Variants in MDM1 observed in about 807,000 individuals in gnomAD.
The protein encoded by MDM1 is Mdm1 nuclear protein.
A neutral mutation model predicts 89.1 loss-of-function variants in MDM1; 61 were observed. The ratio of observed to expected loss-of-function variants is 0.68; its 90% CI spans 0.56 to 0.85. The LOEUF (loss-of-function observed/expected upper bound fraction) is 0.85, where lower values mean the gene tolerates loss of function less well. Among genes scored for constraint, MDM1 ranks in the 40% least tolerant of loss-of-function variants. MDM1 has a pLI of 0.00. For missense variants in MDM1, 820 were observed against 846.5 expected, an observed-to-expected ratio of 0.97 and a Z score of 0.39; for synonymous variants, 290 against 294.1, an observed-to-expected ratio of 0.99 and a Z score of 0.14.
chr12:68,310,377 T>C (rs950707796), intron 12 of MDM1, among the ~76,000 whole-genome samples: 2 of 152,234 alleles, frequency 1.3e-5, no homozygotes, highest in Non-Finnish European at 2.9e-5. Context: ...TTACTCTATT[T>C]AGATTATTCA....
At position 68,321,590 on chromosome 12, in the gene MDM1, C is replaced by A; in HGVS notation, c.840G>T (p.Glu280Asp). Residue 280 changes from glutamate (E) to aspartate (D), a missense_variant, in exon 6 of 15, where the codon GAG (glutamate) becomes GAT (aspartate). Transcript: ENST00000682720. ...GCTGGTGTAAGTCTTTTAATTCCAT[C>A]TCTGCTTCCAATTTTAAACGATCGT... is the stretch of plus-strand genomic sequence containing the variant. Reference protein sequence around the residue: ...KIDDRLKLEAEMELKDLHQPK... With the variant: ...KIDDRLKLEADMELKDLHQPK... 6.2e-7 allele frequency: 1 copy of A among 1,612,574 alleles called. No homozygotes were observed. Among genetic ancestry groups the A allele is most frequent in the Non-Finnish European group, 8.5e-7 (1 of 1,179,614 alleles).
At chr12:68,301,372 T>C (rs1263040759) in intron 13 of MDM1, among the ~76,000 whole-genome samples, 1 of 152,152 alleles carries the variant, frequency 6.6e-6, no homozygotes, top group African/African-American at 2.4e-5. Context: ...AAAAATCAAA[T>C]ACTGCATGTT....
chr12:68,326,493 A>C (rs1875998344), intron 3 of MDM1, 164 bp downstream of exon 3: 4 of 1,527,042 alleles, frequency 2.6e-6, no homozygotes, highest in Non-Finnish European at 3.5e-6. Flanking sequence ...GAACTAATTC[A>C]CAATAACTAA....
intron 7 of MDM1, among the ~76,000 whole-genome samples, chr12:68,317,827 C>T (rs528485850): frequency 3.0e-4 from 45 of 152,272 alleles, no homozygotes; most frequent in African/African-American, 1.0e-3. Context: ...TCGATATACT[C>T]CAGATTTTAT....
At chr12:68,302,510 C>A in intron 13 of MDM1, 110 bp downstream of exon 13, 3 of 1,043,820 alleles carry the variant, frequency 2.9e-6, no homozygotes, top group Non-Finnish European at 4.0e-6. Flanking sequence ...ATACATTAAC[C>A]AAAAATACTA....
rs753994495 is a variant in MDM1, at chr12:68,326,546, AG to A, written c.498+110del. The A allele has an allele frequency of 2.5e-6, 4 of 1,608,550 alleles. No individual in the cohort carries two copies. The Admixed American group carries it at 5.1e-5, about 20-fold the overall frequency. ...CAACTATTCTTATAGACATTAGACA[AG>A]AAAACAACAATGGAAAATTCTGAAA... On this transcript the variant is annotated intron_variant, in intron 3 of 14. Transcript: ENST00000682720.
chr12:68,327,952 T>G (rs1385180730), intron 2 of MDM1, among the ~76,000 whole-genome samples: 1 of 152,204 alleles, frequency 6.6e-6, no homozygotes, highest in Non-Finnish European at 1.5e-5. Flanking sequence ...CAACTCCACA[T>G]GTGCTCTCTT....
intron 2 of MDM1, chr12:68,330,741 C>T (rs1375092343): frequency 5.7e-6 from 1 of 176,562 alleles, no homozygotes; most frequent in African/African-American, 2.4e-5. Flanking sequence ...GCTTTATGGC[C>T]CAGGAAAGGC....
intron 9 of MDM1, among the ~76,000 whole-genome samples, chr12:68,315,852 T>C (rs1874414942): frequency 6.6e-6 from 1 of 152,202 alleles, no homozygotes; most frequent in African/African-American, 2.4e-5. Flanking sequence ...ACAAAAAATA[T>C]TATAAAAATC....
chr12:68,329,292 A>G (rs1320708066), intron 2 of MDM1, among the ~76,000 whole-genome samples: 1 of 152,172 alleles, frequency 6.6e-6, no homozygotes, highest in Non-Finnish European at 1.5e-5. Flanking sequence ...GAGGAACTCT[A>G]AAAGAGACAC....
intron 14 of MDM1, among the ~76,000 whole-genome samples, chr12:68,296,125 G>GA (rs1207594498): frequency 6.6e-6 from 1 of 152,156 alleles, no homozygotes; most frequent in East Asian, 1.9e-4. Flanking sequence ...TACTTCTTAG[G>GA]ATGAATTAAA....
In MDM1 at chr12:68,322,478, A is replaced by G. The variant is rs545836881; in HGVS notation, c.801+595T>C. On this transcript the variant is annotated intron_variant, in intron 5 of 14. Transcript: ENST00000682720. ...TGAAACCCGCATCTCTACTAAAAAT[A>G]CAAAAATTAGCCGGGCATGGTGGCG... Among the ~76,000 whole-genome samples the G allele has an allele frequency of 8.5e-5, 13 of 152,274 alleles. No individual in the cohort carries two copies. The East Asian group carries it at 2.3e-3, about 27-fold the overall frequency.
Position 68,325,548 on chromosome 12 carries a change from C to T in MDM1, c.526G>A (p.Gly176Arg), listed in dbSNP as rs777181808. Residue 176 changes from glycine to arginine, a missense_variant, in exon 4 of 15, where the codon GGA becomes AGA. Gly to Arg is a moderately radical substitution (Grantham distance 125, BLOSUM62 -2). Transcript: ENST00000682720. ...GLDRLLRKKA[G>R]LTVVPSYNAL... The stretch of plus-strand genomic sequence containing the variant: ...TTATATGAAGGAACAACAGTCAATC[C>T]AGCTTTCTTACGCAGAAGTCTATCC... The T allele has an allele frequency of 6.3e-7, 1 of 1,584,386 alleles. No individual in the cohort carries two copies. Among genetic ancestry groups the T allele is most frequent in the Non-Finnish European group, 8.6e-7 (1 of 1,166,448 alleles).
In MDM1 at chr12:68,314,930, G is replaced by A. The variant is rs1191022717; in HGVS notation, c.1529+18C>T. 3 of 1,589,998 alleles carry A rather than the reference G, an allele frequency of 1.9e-6. No homozygotes were observed. The highest frequency in any genetic ancestry group is 2.7e-5 in the African/African-American group (2 of 74,286). On this transcript the variant is annotated intron_variant, in intron 10 of 14. Transcript: ENST00000682720. ...TGTAAATAACGCTTCTCTATACTGA[G>A]TAATTTAAAACTCTCACCCTTCTTT...
intron 13 of MDM1, among the ~76,000 whole-genome samples, chr12:68,299,553 G>C (rs1871871769): frequency 6.6e-6 from 1 of 152,030 alleles, no homozygotes; most frequent in African/African-American, 2.4e-5. Context: ...TGCATGCCAG[G>C]TCCAAGAGGG....
intron 2 of MDM1, 74 bp downstream of exon 2, chr12:68,331,033 C>A: frequency 1.2e-6 from 1 of 829,624 alleles, no homozygotes; most frequent in Non-Finnish European, 2.1e-6. Context: ...GTTTACTTAG[C>A]CCAAGTTATA....
intron 1 of MDM1, among the ~76,000 whole-genome samples, chr12:68,331,498 A>G (rs1312086105): frequency 6.6e-6 from 1 of 152,230 alleles, no homozygotes; most frequent in Non-Finnish European, 1.5e-5. Flanking sequence ...ATTCCAAAGC[A>G]TGAGTTCTTG....
At chr12:68,310,692 G>A (rs897446062) in intron 12 of MDM1, among the ~76,000 whole-genome samples, 5 of 152,138 alleles carry the variant, frequency 3.3e-5, no homozygotes, top group Admixed American at 1.3e-4. Flanking sequence ...TACGTGCTAT[G>A]AGCTGGACTC....
intron 9 of MDM1, 76 bp downstream of exon 9, chr12:68,316,002 G>A (rs1874437314): frequency 8.1e-6 from 10 of 1,241,346 alleles, no homozygotes; most frequent in East Asian, 2.5e-5. Context: ...GAGTAGTCAG[G>A]TCATTTTCCT....
Sources: gnomAD v4.1 joint callset for allele counts (sites outside exome capture counted in the v4.1 genomes callset) on GRCh38, gnomAD v4.1.1 for gene constraint, MANE v1.5 for transcripts, NCBI Gene and HGNC (gene_info 2026-07-23, HGNC 2026-07-21) for gene names.